VPS13B: variants seen among roughly 807,000 people sequenced by gnomAD.
The protein encoded by VPS13B is intermembrane lipid transfer protein VPS13B.
A neutral mutation model predicts 426.4 loss-of-function variants in VPS13B; 285 were observed. The ratio of observed to expected loss-of-function variants is 0.67; its 90% CI spans 0.61 to 0.74. The LOEUF (loss-of-function observed/expected upper bound fraction) is 0.74. Among genes scored for constraint, VPS13B ranks in the 30% least tolerant of loss-of-function variants. The pLI, the probability that VPS13B is intolerant of heterozygous loss-of-function variation, is 0.00. For missense variants in VPS13B, 4,537 were observed against 4,782.6 expected (o/e 0.95, Z 1.51); for synonymous variants, 1,676 against 1,676.4 (o/e 1.00, Z 0.01).
intron 29 of VPS13B, among the ~76,000 whole-genome samples, chr8:99,515,121 A>ATATGTAAT (rs1821987432): frequency 6.6e-6 from 1 of 152,214 alleles, no homozygotes; most frequent in Admixed American, 6.5e-5. Context: ...TATGTTTGTG[A>ATATGTAAT]CAAAAAGATT....
chr8:99,486,537 C>G (rs1820321070), intron 25 of VPS13B, among the ~76,000 whole-genome samples: 1 of 152,114 alleles, frequency 6.6e-6, no homozygotes, highest in Non-Finnish European at 1.5e-5. Context: ...TATCATGCCA[C>G]CACTTTCACC....
At chr8:99,679,308 A>T (rs1831062298) in intron 35 of VPS13B, among the ~76,000 whole-genome samples, 2 of 152,252 alleles carry the variant, frequency 1.3e-5, no homozygotes, top group South Asian at 4.1e-4. Context: ...GCACCAAAAA[A>T]GATACAAAAT....
At chr8:99,690,596 CTATA>C (rs569782208) in intron 35 of VPS13B, among the ~76,000 whole-genome samples, 1 of 151,788 alleles carries the variant, frequency 6.6e-6, no homozygotes, top group South Asian at 2.1e-4. Context: ...AATCATGTAT[CTATA>C]TATATCAAAT....
intron 2 of VPS13B, among the ~76,000 whole-genome samples, chr8:99,020,497 A>T (rs1205218201): frequency 6.6e-6 from 1 of 152,200 alleles, no homozygotes; most frequent in Admixed American, 6.5e-5. Context: ...ATGAAGTCCA[A>T]CTTAGCTATT....
At chr8:99,582,699 A>G (rs1020373312) in intron 33 of VPS13B, among the ~76,000 whole-genome samples, 5 of 151,886 alleles carry the variant, frequency 3.3e-5, no homozygotes, top group African/African-American at 1.2e-4. Flanking sequence ...TCTGTCTCCC[A>G]GGCAGGAGTG....
chr8:99,848,641 G>A (rs558265712), intron 54 of VPS13B, 135 bp from the exon 55 acceptor site: 22 of 854,728 alleles, frequency 2.6e-5, no homozygotes, highest in Admixed American at 1.1e-4. Flanking sequence ...TGAATAGCCC[G>A]TACACATGGA....
At chr8:99,580,702 A>T (rs931222356) in intron 33 of VPS13B, among the ~76,000 whole-genome samples, 1 of 151,580 alleles carries the variant, frequency 6.6e-6, no homozygotes, top group Non-Finnish European at 1.5e-5. Context: ...AAAATTAAAA[A>T]TTAGTTGCAT....
chr8:99,428,785 T>A (rs891648882), intron 21 of VPS13B, among the ~76,000 whole-genome samples: 3 of 152,186 alleles, frequency 2.0e-5, no homozygotes, highest in African/African-American at 4.8e-5. Context: ...ACTTGGTATA[T>A]GCCCAAAGTA....
In VPS13B at chr8:99,105,963, A is replaced by G. The variant is rs1012992937; in HGVS notation, c.580+2843A>G. On this transcript the variant is annotated intron_variant, in intron 5 of 61. Coordinates refer to ENST00000357162, the MANE Select transcript of VPS13B (RefSeq NM_152564.5). ...TGGTGGTGATAAAGACAGTGAAAAT[A>G]GTATCTTCTGTTTATTTAGTACCAG... Among the ~76,000 whole-genome samples the G allele has an allele frequency of 2.6e-5, 4 of 152,316 alleles. No individual in the cohort carries two copies. In the East Asian group the frequency reaches 7.7e-4, roughly 29 times the overall value.
At chr8:99,362,482 C>T (rs1328881165) in intron 19 of VPS13B, among the ~76,000 whole-genome samples, 1 of 151,900 alleles carries the variant, frequency 6.6e-6, no homozygotes, top group African/African-American at 2.4e-5. Context: ...TAGTGGATAA[C>T]TAATAAACGT....
At chr8:99,873,782 G>A (rs908533866) in intron 61 of VPS13B, among the ~76,000 whole-genome samples, 1 of 152,150 alleles carries the variant, frequency 6.6e-6, no homozygotes, top group Non-Finnish European at 1.5e-5. Context: ...GCAGGGGAGG[G>A]TGGCCAGCAG....
At chr8:99,626,758 A>T (rs1353298185) in intron 33 of VPS13B, among the ~76,000 whole-genome samples, 1 of 152,218 alleles carries the variant, frequency 6.6e-6, no homozygotes, top group East Asian at 1.9e-4. Flanking sequence ...TAGAACTATC[A>T]TGTGATCCAT....
At chr8:99,105,401 C>G (rs1040797065) in intron 5 of VPS13B, among the ~76,000 whole-genome samples, 5 of 152,052 alleles carry the variant, frequency 3.3e-5, no homozygotes, top group African/African-American at 1.2e-4. Context: ...TTTTTTGAGA[C>G]AGAGTCTCGC....
intron 25 of VPS13B, among the ~76,000 whole-genome samples, chr8:99,484,919 A>T (rs892993153): frequency 6.6e-6 from 1 of 152,098 alleles, no homozygotes; most frequent in Non-Finnish European, 1.5e-5. Context: ...GGGAAAGCTA[A>T]TGTAAATCTC....
At chr8:99,564,369 C>G (rs547834887) in intron 31 of VPS13B, among the ~76,000 whole-genome samples, 1 of 152,220 alleles carries the variant, frequency 6.6e-6, no homozygotes, top group South Asian at 2.1e-4. Context: ...AGCACTTGAC[C>G]TGGTTAAAAA....
chr8:99,241,342 A>G (rs1201864348), intron 17 of VPS13B: 2 of 152,208 alleles, frequency 1.3e-5, no homozygotes, highest in Non-Finnish European at 2.9e-5. Context: ...TGTTATGACT[A>G]TATCATTAGA....
intron 24 of VPS13B, among the ~76,000 whole-genome samples, chr8:99,469,168 CTTTTTTT>C (rs35646881): frequency 7.8e-6 from 1 of 127,786 alleles, no homozygotes; most frequent in African/African-American, 2.9e-5. Flanking sequence ...TCTTTCTTTC[CTTTTTTT>C]TTTTTTTTTT....
At chr8:99,121,509 T>C (rs1847932430) in intron 8 of VPS13B, 64 bp downstream of exon 8, 1 of 1,600,448 alleles carries the variant, frequency 6.2e-7, no homozygotes, top group African/African-American at 1.3e-5. Flanking sequence ...GGATTGTTAG[T>C]ACAATTCTAG....
Position 99,481,797 on chromosome 8 carries a change from A to T in VPS13B, c.3865A>T (p.Thr1289Ser). 6.2e-7 allele frequency: 1 copy of T among 1,613,766 alleles called. No individual in the cohort carries two copies. Among genetic ancestry groups the T allele is most frequent in the Non-Finnish European group, 8.5e-7 (1 of 1,179,744 alleles). ...CSPSADIGTT[T>S]EGDSIQAGEE... ...CCCATCTGCTGACATTGGGACTACT[A>T]CTGAGGTAAGTGTTTTTGAAAATCC... Residue 1289 changes from threonine to serine, a missense_variant, in exon 25 of 62, where the codon ACT becomes TCT. Thr to Ser is a moderately conservative substitution (Grantham distance 58, BLOSUM62 1). Around this residue, in one of 2 missense-constraint regions of VPS13B, gnomAD observed 4,311 missense variants for 4,474.3 expected, o/e 0.96. Transcript: ENST00000357162.
Sources: gnomAD v4.1 joint callset for allele counts (sites outside exome capture counted in the v4.1 genomes callset) on GRCh38, gnomAD v4.1.1 for gene constraint, gnomAD v4.1.1 regional missense constraint, MANE v1.5 for transcripts, NCBI Gene and HGNC (gene_info 2026-07-23, HGNC 2026-07-21) for gene names.